SGCG: variants seen among roughly 807,000 people sequenced by gnomAD.
SGCG encodes the protein sarcoglycan gamma.
Under a neutral mutation model 29.3 loss-of-function variants are expected in SGCG, and 26 were observed. That is an observed-to-expected ratio of 0.89 (90% CI 0.65 to 1.23). The LOEUF (loss-of-function observed/expected upper bound fraction) is 1.23, where lower values mean the gene tolerates loss of function less well. Among genes scored for constraint, SGCG ranks in the 50% most tolerant of loss-of-function variants. The pLI is 0.00. For missense variants in SGCG, 353 were observed against 356.0 expected (o/e 0.99, Z 0.07); for synonymous variants, 145 against 129.7 (o/e 1.12, Z -0.80).
chr13:23,162,257 ATTATGTTATC>A, the SGCG span, among the ~76,000 whole-genome samples: 3 of 152,296 alleles, frequency 2.0e-5, no homozygotes, highest in African/African-American at 7.2e-5. Context: ...AATCAGCATC[ATTATGTTATC>A]TTAGGAATGG....
chr13:23,219,200 A>G (rs1878558229), intron 2 of SGCG, among the ~76,000 whole-genome samples: 1 of 151,600 alleles, frequency 6.6e-6, no homozygotes, highest in South Asian at 2.1e-4. Flanking sequence ...GGTGCCTGCC[A>G]CCTCGCCTGG....
At chr13:23,168,727 C>T in the SGCG span, among the ~76,000 whole-genome samples, 1 of 152,144 alleles carries the variant, frequency 6.6e-6, no homozygotes, top group African/African-American at 2.4e-5. Context: ...TTAGCAAAGG[C>T]CTGCTCACAT....
At chr13:23,264,687 C>G (rs1372272257) in intron 4 of SGCG, among the ~76,000 whole-genome samples, 1 of 152,136 alleles carries the variant, frequency 6.6e-6, no homozygotes, top group Admixed American at 6.5e-5. Context: ...TACTACAAGG[C>G]TGTAGTAACC....
At chr13:23,250,266 A>C (rs1346592234) in intron 3 of SGCG, among the ~76,000 whole-genome samples, 3 of 152,216 alleles carry the variant, frequency 2.0e-5, no homozygotes, top group East Asian at 3.8e-4. Flanking sequence ...AGCAGGAAAA[A>C]GTATATGGCA....
chr13:23,195,933 A>G (rs1243931919), intron 1 of SGCG, among the ~76,000 whole-genome samples: 1 of 152,068 alleles, frequency 6.6e-6, no homozygotes, highest in Admixed American at 6.6e-5. Flanking sequence ...AATTCTATAA[A>G]TTGAAAAAAT....
chr13:23,303,621 A>G (rs495890), intron 6 of SGCG, among the ~76,000 whole-genome samples: 125,566 of 152,218 alleles, frequency 0.82, 52,051 homozygotes, highest in East Asian at 0.95. Context: ...TCCGGAAATC[A>G]CATACAAGTT....
At chr13:23,208,513 C>A (rs535898) in intron 2 of SGCG, among the ~76,000 whole-genome samples, 72,876 of 151,966 alleles carry the variant, frequency 0.48, 17,616 homozygotes, top group East Asian at 0.66. Context: ...AAATGTTGAC[C>A]AAGAGAATAA....
chr13:23,279,383 A>G lies in SGCG; in HGVS notation c.410A>G (p.Asn137Ser). ...KVGPKMVEVQ[N>S]QQFQINSNDG... ...GGTCCCAAAATGGTAGAAGTCCAGA[A>G]TCAACAGTTTCAGATCAACTCCAAC... Residue 137 changes from asparagine to serine, a missense_variant, in exon 5 of 8, where the codon AAT (asparagine) becomes AGT (serine). Transcript: ENST00000218867. 1 of 1,613,346 alleles carries G rather than the reference A, an allele frequency of 6.2e-7. No homozygotes were observed. The highest frequency in any genetic ancestry group is 8.5e-7 in the Non-Finnish European group (1 of 1,179,478).
At chr13:23,289,946 C>T (rs893104494) in intron 5 of SGCG, among the ~76,000 whole-genome samples, 2 of 152,102 alleles carry the variant, frequency 1.3e-5, no homozygotes. Flanking sequence ...AGGAGGATGT[C>T]AATTGTAGTA....
intron 2 of SGCG, among the ~76,000 whole-genome samples, chr13:23,223,825 G>A (rs1878783274): frequency 6.6e-6 from 1 of 152,098 alleles, no homozygotes; most frequent in Admixed American, 6.5e-5. Context: ...AATTAGCCAG[G>A]TGTGGTGGTG....
At chr13:23,262,815 C>G (rs1017352043) in intron 4 of SGCG, among the ~76,000 whole-genome samples, 3 of 151,878 alleles carry the variant, frequency 2.0e-5, no homozygotes, top group African/African-American at 7.2e-5. Flanking sequence ...TCTTCTCAGA[C>G]CACAGCAAAA....
At position 23,299,449 on chromosome 13, in the gene SGCG, TA is replaced by T. The variant is rs59906795; in HGVS notation, c.578+3963del. Among the ~76,000 whole-genome samples, 130 of 35,446 alleles carry T rather than the reference TA, an allele frequency of 3.7e-3. 1 individual carries two copies. The highest frequency in any genetic ancestry group is 5.3e-3 in the Non-Finnish European group (85 of 16,034). 23.3% of individuals were successfully genotyped at this position (35,446 alleles called of 152,430 possible). On this transcript the variant is annotated intron_variant, in intron 6 of 7. Coordinates refer to ENST00000218867, the MANE Select transcript of SGCG (RefSeq NM_000231.3). ...ATATATATATATATATATATATATA[TA>T]TATATATTTTTTTTTTTTTTTTAGT... is the stretch of plus-strand genomic sequence containing the variant.
chr13:23,283,622 T>C (rs7338521), intron 5 of SGCG, among the ~76,000 whole-genome samples: 65,888 of 151,998 alleles, frequency 0.43, 15,121 homozygotes, highest in Middle Eastern at 0.65. Flanking sequence ...ACATCTAAGG[T>C]TAATACTGTT....
At position 23,324,718 on chromosome 13, in the gene SGCG, A is replaced by G; in HGVS notation, c.*177A>G. The G allele has an allele frequency of 1.6e-6, 1 of 638,752 alleles. No homozygotes were observed. Among genetic ancestry groups the G allele is most frequent in the South Asian group, 1.7e-5 (1 of 59,072 alleles). 39.6% of individuals were successfully genotyped at this position (638,752 alleles called of 1,614,324 possible). A position where few individuals can be genotyped will look rare whatever the true frequency, so the allele number is the denominator to read the frequency against. On this transcript the variant is annotated 3_prime_UTR_variant, in exon 8 of 8. Transcript: ENST00000218867. ...TTTGGACAAAAACTACATGATCTCA[A>G]AATGCACGTGGATGTGAGACACAAA...
chr13:23,193,518 G>A (rs546326726), intron 1 of SGCG, among the ~76,000 whole-genome samples: 2 of 134,586 alleles, frequency 1.5e-5, no homozygotes, highest in Non-Finnish European at 3.3e-5. Flanking sequence ...TGAAGTAGAC[G>A]TGAGGTGGCA....
chr13:23,282,201 T>C (rs1243698758), intron 5 of SGCG, among the ~76,000 whole-genome samples: 5 of 152,242 alleles, frequency 3.3e-5, no homozygotes, highest in African/African-American at 1.2e-4. Flanking sequence ...ATGGCTTCCT[T>C]ACATTTTGTG....
At chr13:23,248,079 A>T (rs1015726853) in intron 3 of SGCG, among the ~76,000 whole-genome samples, 3 of 151,560 alleles carry the variant, frequency 2.0e-5, no homozygotes, top group Non-Finnish European at 4.4e-5. Context: ...GTTTGAGACC[A>T]GCCTAGGCAA....
intron 3 of SGCG, among the ~76,000 whole-genome samples, chr13:23,241,962 A>G (rs1879531250): frequency 6.6e-6 from 1 of 152,198 alleles, no homozygotes; most frequent in Non-Finnish European, 1.5e-5. Context: ...ACATAAAACA[A>G]TAGAGGAAAT....
chr13:23,285,245 G>A (rs1881453422), intron 5 of SGCG, among the ~76,000 whole-genome samples: 1 of 152,190 alleles, frequency 6.6e-6, no homozygotes, highest in African/African-American at 2.4e-5. Context: ...CCAGGGAGAT[G>A]GGAGTTTTAT....
Sources: allele counts gnomAD v4.1 joint callset (sites outside exome capture counted in the v4.1 genomes callset), GRCh38; gene constraint gnomAD v4.1.1; transcripts MANE v1.5; gene names NCBI Gene and HGNC (gene_info 2026-07-23, HGNC 2026-07-21).